Variants in CD36 observed in about 807,000 individuals in gnomAD.
The protein encoded by CD36 is CD36 molecule (CD36 blood group).
Under a neutral mutation model 55.2 loss-of-function variants are expected in CD36, and 119 were observed. The ratio of observed to expected loss-of-function variants is 2.15; its 90% confidence interval spans 1.86 to 2.51. The LOEUF is 2.51. Among genes scored for constraint, CD36 ranks in the 30% most tolerant of loss-of-function variants. CD36 has a pLI of 0.00. For synonymous variants in CD36, 186 were observed against 193.6 expected (o/e 0.96, Z 0.33); for missense variants, 819 against 555.5 (o/e 1.47, Z -4.77).
chr7:80,670,197 A>G lies in CD36; in HGVS notation c.818+175A>G, dbSNP rs1299097846. 4 of 593,106 alleles carry G rather than the reference A, an allele frequency of 6.7e-6. No individual in the cohort carries two copies. In the African/African-American group the frequency reaches 7.6e-5, roughly 11 times the overall value. 36.7% of individuals were successfully genotyped at this position (593,106 alleles called of 1,614,324 possible). A position where few individuals can be genotyped will look rare whatever the true frequency, so the allele number is the denominator to read the frequency against. The stretch of plus-strand genomic sequence containing the variant: ...AGTACAAATTTTTTTTTTTTTTGCC[A>G]TTTCTATCTAAGCAAGAACCATTTT... On this transcript the variant is annotated intron_variant, in intron 9 of 14. Transcript: ENST00000447544.
intron 14 of CD36, among the ~76,000 whole-genome samples, chr7:80,675,443 A>C (rs1273971164): frequency 6.6e-6 from 1 of 152,172 alleles, no homozygotes; most frequent in Non-Finnish European, 1.5e-5. Context: ...TATGTGATAC[A>C]TTTTTATGAT....
chr7:80,667,939 C>T (rs532156570), intron 8 of CD36, among the ~76,000 whole-genome samples: 97 of 151,536 alleles, frequency 6.4e-4, no homozygotes, highest in African/African-American at 1.9e-3. Context: ...TTAGTAGAGA[C>T]GGTTTCACCA....
rs752673092 is a variant in CD36, at chr7:80,673,357, T to C, written c.1202T>C (p.Val401Ala). Reference protein sequence around the residue: ...LLVKPSEKIQVLKNLKRNYIV... With the variant: ...LLVKPSEKIQALKNLKRNYIV... ...ATTATTTTCAACGTATATTACAGAG[T>C]ATTAAAGAATCTGAAGAGGAACTAT... Residue 401 changes from valine (V) to alanine (A), a missense_variant and splice_region_variant, in exon 13 of 15, where the codon GTA becomes GCA. Val to Ala is a moderately conservative substitution (Grantham distance 64). Transcript: ENST00000447544. 2 of 1,410,148 alleles carry C rather than the reference T, an allele frequency of 1.4e-6. No individual in the cohort carries two copies. The highest frequency in any genetic ancestry group is 4.6e-5 in the East Asian group (2 of 43,592). 87.4% of individuals were successfully genotyped at this position (1,410,148 alleles called of 1,614,324 possible).
At chr7:80,673,216 T>TATATTAAAATTTAAATGAGTCATTAC (rs1479925505) in intron 12 of CD36, 139 bp from the exon 13 acceptor site, 1 of 540,430 alleles carries the variant, frequency 1.9e-6, no homozygotes, top group Non-Finnish European at 3.3e-6. Flanking sequence ...CAAAAACAAC[T>TATATTAAAATTTAAATGAGTCATTAC]ATATTAAAAT....
chr7:80,662,113 C>G (rs935262644), intron 5 of CD36, among the ~76,000 whole-genome samples: 8 of 152,174 alleles, frequency 5.3e-5, no homozygotes, highest in African/African-American at 1.9e-4. Context: ...TATATGAAGG[C>G]TCTGCATTAG....
At chr7:80,668,680 A>G (rs1797359212) in intron 8 of CD36, among the ~76,000 whole-genome samples, 1 of 152,138 alleles carries the variant, frequency 6.6e-6, no homozygotes, top group Non-Finnish European at 1.5e-5. Flanking sequence ...TTTTTCTTTA[A>G]TTATTAAGGA....
chr7:80,646,681 A>C lies in CD36; in HGVS notation c.-60A>C. 8.1e-6 allele frequency: 13 copies of C among 1,606,822 alleles called. No individual in the cohort carries two copies. Among genetic ancestry groups the C allele is most frequent in the Non-Finnish European group, 1.0e-5 (12 of 1,173,804 alleles). ...AGAGCTTGTAGAAACCACTTTAATC[A>C]TATCCAGGAGTTTGCAAGAAACAGG... On this transcript the variant is annotated 5_prime_UTR_variant, in exon 3 of 15. Transcript: ENST00000447544.
At chr7:80,671,295 G>T in intron 10 of CD36, 131 bp downstream of exon 10, 4 of 632,436 alleles carry the variant, frequency 6.3e-6, no homozygotes, top group Non-Finnish European at 5.4e-6. Flanking sequence ...TTTAAAATGA[G>T]AACTTTACCA....
At chr7:80,674,626 A>G (rs1798078838) in intron 14 of CD36, among the ~76,000 whole-genome samples, 2 of 152,068 alleles carry the variant, frequency 1.3e-5, no homozygotes, top group African/African-American at 4.8e-5. Flanking sequence ...ACATAGTAGA[A>G]CCAAGTACTC....
chr7:80,659,064 T>G (rs1051732373), intron 4 of CD36, among the ~76,000 whole-genome samples: 1 of 152,158 alleles, frequency 6.6e-6, no homozygotes, highest in Non-Finnish European at 1.5e-5. Flanking sequence ...GATTCCTGAT[T>G]ATCTGTAGGT....
intron 3 of CD36, among the ~76,000 whole-genome samples, chr7:80,651,424 T>C (rs956902003): frequency 1.3e-5 from 2 of 152,102 alleles, no homozygotes; most frequent in Non-Finnish European, 2.9e-5. Context: ...TTTAAATAAG[T>C]TCTATAGTTC....
At chr7:80,609,112 G>A (rs545492042) in intron 1 of CD36, among the ~76,000 whole-genome samples, 37 of 152,156 alleles carry the variant, frequency 2.4e-4, no homozygotes, top group African/African-American at 8.4e-4. Context: ...ATAAACCCAC[G>A]AGAGAATGAA....
At chr7:80,652,392 T>G (rs1256151210) in intron 3 of CD36, among the ~76,000 whole-genome samples, 1 of 152,204 alleles carries the variant, frequency 6.6e-6, no homozygotes, top group East Asian at 1.9e-4. Context: ...CTCCAATACA[T>G]TTCACCTAAT....
In CD36 at chr7:80,677,337, G is replaced by A. The variant is rs971667531; in HGVS notation, c.*954G>A. On this transcript the variant is annotated 3_prime_UTR_variant, in exon 15 of 15. Coordinates refer to ENST00000447544, the MANE Select transcript of CD36 (RefSeq NM_001001548.3). ...GCATTAGTTCTCCTAAAAAGCTCCAGCATAGAAAGGGAAGATAAACCAAAT... is the reference window on the plus strand; with the variant it reads ...GCATTAGTTCTCCTAAAAAGCTCCAACATAGAAAGGGAAGATAAACCAAAT... The A allele has an allele frequency of 6.6e-6, 1 of 152,178 alleles. No homozygotes were observed. Among genetic ancestry groups the A allele is most frequent in the Non-Finnish European group, 1.5e-5 (1 of 68,036 alleles). The allele number at this position is 152,178 out of a possible 1,614,324, so 9.4% of individuals were successfully genotyped here.
chr7:80,666,406 ATAAG>A, intron 7 of CD36, 33 bp from the exon 8 acceptor site: 2 of 1,375,296 alleles, frequency 1.5e-6, no homozygotes, highest in Admixed American at 1.7e-5. Flanking sequence ...TATTCTTTAA[ATAAG>A]AATGTTTATT....
At chr7:80,651,323 A>G (rs1795600320) in intron 3 of CD36, among the ~76,000 whole-genome samples, 1 of 152,078 alleles carries the variant, frequency 6.6e-6, no homozygotes, top group Non-Finnish European at 1.5e-5. Context: ...TAATCCGTAC[A>G]CCAAACCTCC....
chr7:80,650,850 TG>T (rs1301399317), intron 3 of CD36, among the ~76,000 whole-genome samples: 1 of 151,340 alleles, frequency 6.6e-6, no homozygotes, highest in African/African-American at 2.4e-5. Flanking sequence ...GGATTATAGC[TG>T]CAATCTTTCT....
chr7:80,662,964 C>A, intron 5 of CD36, 26 bp from the exon 6 acceptor site: 1 of 1,570,684 alleles, frequency 6.4e-7, no homozygotes, highest in Non-Finnish European at 8.8e-7. Flanking sequence ...GTATTCTTGT[C>A]TTAAACAGTG....
At chr7:80,650,325 T>A (rs1231697384) in intron 3 of CD36, among the ~76,000 whole-genome samples, 2 of 152,174 alleles carry the variant, frequency 1.3e-5, no homozygotes. Flanking sequence ...TTTAGTCATA[T>A]GAAGTAGGTG....
Sources: allele counts gnomAD v4.1 joint callset (sites outside exome capture counted in the v4.1 genomes callset), GRCh38; gene constraint gnomAD v4.1.1; transcripts MANE v1.5; gene names NCBI Gene and HGNC (gene_info 2026-07-23, HGNC 2026-07-21).